The following TMPRSS15 variants were observed in gnomAD, a reference collection of about 807,000 sequenced individuals.
The protein encoded by TMPRSS15 is enteropeptidase.
Under a neutral mutation model 125.3 loss-of-function variants are expected in TMPRSS15, and 128 were observed. The observed-to-expected ratio is 1.02, with a 90% CI of 0.89 to 1.18. The LOEUF (loss-of-function observed/expected upper bound fraction) is 1.18, where lower values mean the gene tolerates loss of function less well. TMPRSS15 is among the 50% of genes most tolerant of loss of function. The pLI, the probability that TMPRSS15 is intolerant of heterozygous loss-of-function variation, is 0.00. For missense variants in TMPRSS15, 1,283 were observed against 1,212.7 expected (o/e 1.06, Z -0.86); for synonymous variants, 446 against 423.2 (o/e 1.05, Z -0.66).
intron 1 of TMPRSS15, among the ~76,000 whole-genome samples, chr21:18,410,225 C>A (rs1392523870): frequency 6.6e-6 from 1 of 150,814 alleles, no homozygotes. Flanking sequence ...ATTTCCTTCT[C>A]TTTTCTGCAA....
chr21:18,444,888 T>C lies in TMPRSS15; in HGVS notation c.10+40911A>G, dbSNP rs549342566. Reference sequence around the variant, plus strand: ...CTTCCAAACCTCTGATAATCACTATTCTACTCTCTCCCTCCATGAGATAAA... The same window carrying C: ...CTTCCAAACCTCTGATAATCACTATCCTACTCTCTCCCTCCATGAGATAAA... On this transcript the variant is annotated intron_variant, in intron 1 of 7. Transcript: ENST00000422787. 2.6e-5 allele frequency among the ~76,000 whole-genome samples: 4 copies of C among 152,254 alleles called. No homozygotes were observed. The East Asian group carries it at 7.7e-4, about 29-fold the overall frequency.
At chr21:18,342,000 G>A (rs962664584) in intron 12 of TMPRSS15, among the ~76,000 whole-genome samples, 3 of 152,144 alleles carry the variant, frequency 2.0e-5, no homozygotes, top group African/African-American at 7.2e-5. Flanking sequence ...ACACACTGGG[G>A]GTGAAGGGGA....
At position 18,343,548 on chromosome 21, in the gene TMPRSS15, C is replaced by G; in HGVS notation, c.1386G>C (p.Trp462Cys). 1.9e-6 allele frequency: 3 copies of G among 1,613,228 alleles called. No homozygotes were observed. Among genetic ancestry groups the G allele is most frequent in the Non-Finnish European group, 2.5e-6 (3 of 1,179,380 alleles). Residue 462 changes from tryptophan to cysteine, a missense_variant, in exon 12 of 25, where the codon TGG becomes TGC. Coordinates refer to ENST00000284885, the MANE Select transcript of TMPRSS15 (RefSeq NM_002772.3). ...CATTTAGGGTTACTTGTCCATAATT[C>G]CAATTGTCTCCATAATTTCCTTCCT... ...FQKEGNYGDN[W>C]NYGQVTLNET...
intron 19 of TMPRSS15, among the ~76,000 whole-genome samples, chr21:18,297,197 C>G (rs2074917220): frequency 6.6e-6 from 1 of 152,114 alleles, no homozygotes; most frequent in African/African-American, 2.4e-5. Context: ...TTAGTAAAGG[C>G]TATAAAAGTA....
chr21:18,286,245 CA>C (rs780376892), intron 21 of TMPRSS15, among the ~76,000 whole-genome samples: 3 of 152,158 alleles, frequency 2.0e-5, no homozygotes, highest in Non-Finnish European at 4.4e-5. Context: ...TAGAATATCC[CA>C]GGGGTCTGCC....
At chr21:18,475,325 C>T (rs536590448) in intron 1 of TMPRSS15, among the ~76,000 whole-genome samples, 1 of 152,140 alleles carries the variant, frequency 6.6e-6, no homozygotes, top group Non-Finnish European at 1.5e-5. Flanking sequence ...AAAAACAAGT[C>T]AGGCAACAGT....
chr21:18,408,002 A>T (rs972790432), upstream of TMPRSS15, among the ~76,000 whole-genome samples: 4 of 152,150 alleles, frequency 2.6e-5, no homozygotes, highest in African/African-American at 9.7e-5. Context: ...AGACTTGAGG[A>T]TAGTTGGGTA....
At chr21:18,424,973 A>C (rs909093331) in intron 1 of TMPRSS15, among the ~76,000 whole-genome samples, 15 of 149,812 alleles carry the variant, frequency 1.0e-4, no homozygotes, top group Admixed American at 4.7e-4. Flanking sequence ...ATGAATACAT[A>C]TGATATAATA....
intron 1 of TMPRSS15, among the ~76,000 whole-genome samples, chr21:18,459,946 A>G (rs1478806868): frequency 3.3e-5 from 5 of 152,204 alleles, no homozygotes; most frequent in Non-Finnish European, 7.4e-5. Flanking sequence ...GCTATAATAC[A>G]TGAATTTTTA....
chr21:18,287,129 C>A (rs765671665), intron 21 of TMPRSS15, among the ~76,000 whole-genome samples: 1 of 152,176 alleles, frequency 6.6e-6, no homozygotes, highest in Non-Finnish European at 1.5e-5. Context: ...TCAGCCTTAA[C>A]ATGTCATATA....
intron 1 of TMPRSS15, among the ~76,000 whole-genome samples, chr21:18,434,833 A>G (rs866979944): frequency 2.4e-5 from 2 of 84,774 alleles, no homozygotes; most frequent in Non-Finnish European, 5.3e-5. Flanking sequence ...AAAACTCATA[A>G]ATTAAACATC....
intron 1 of TMPRSS15, among the ~76,000 whole-genome samples, chr21:18,465,644 G>C (rs2122955679): frequency 2.0e-5 from 3 of 152,152 alleles, no homozygotes; most frequent in Admixed American, 1.3e-4. Flanking sequence ...CAAATCATGA[G>C]TGAACTCCCA....
chr21:18,464,684 C>T (rs1247250551), intron 1 of TMPRSS15, among the ~76,000 whole-genome samples: 2 of 152,132 alleles, frequency 1.3e-5, no homozygotes, highest in African/African-American at 4.8e-5. Flanking sequence ...TTCCTGGACA[C>T]ATACACCCCT....
chr21:18,303,321 A>T (rs370554534), intron 18 of TMPRSS15, among the ~76,000 whole-genome samples: 1 of 152,172 alleles, frequency 6.6e-6, no homozygotes, highest in Non-Finnish European at 1.5e-5. Flanking sequence ...CATGGGGGAA[A>T]AAAGAAAGAA....
intron 15 of TMPRSS15, among the ~76,000 whole-genome samples, chr21:18,327,794 C>A (rs2075307431): frequency 6.6e-6 from 1 of 152,050 alleles, no homozygotes; most frequent in African/African-American, 2.4e-5. Flanking sequence ...CAAAATTGAT[C>A]ATTTGAGCAT....
intron 1 of TMPRSS15, among the ~76,000 whole-genome samples, chr21:18,478,465 C>G (rs1259261019): frequency 6.6e-6 from 1 of 151,964 alleles, no homozygotes; most frequent in Non-Finnish European, 1.5e-5. Flanking sequence ...TCCAGTTTCA[C>G]CCTTTATTAC....
intron 1 of TMPRSS15, among the ~76,000 whole-genome samples, chr21:18,415,875 G>T (rs550116699): frequency 6.6e-6 from 1 of 152,148 alleles, no homozygotes; most frequent in Non-Finnish European, 1.5e-5. Flanking sequence ...GTTTGTAGAT[G>T]ACATCATCTT....
intron 23 of TMPRSS15, among the ~76,000 whole-genome samples, chr21:18,277,339 C>T (rs1201585322): frequency 6.6e-6 from 1 of 152,028 alleles, no homozygotes; most frequent in Non-Finnish European, 1.5e-5. Flanking sequence ...AAAAAACTTC[C>T]TATGAAATAA....
At chr21:18,453,569 C>G (rs145301625) in intron 1 of TMPRSS15, among the ~76,000 whole-genome samples, 2 of 152,058 alleles carry the variant, frequency 1.3e-5, no homozygotes, top group Admixed American at 6.6e-5. Flanking sequence ...GATTTAGAGA[C>G]GAGCTTATTT....
Sources: gnomAD v4.1 joint callset for allele counts (sites outside exome capture counted in the v4.1 genomes callset) on GRCh38, gnomAD v4.1.1 for gene constraint, MANE v1.5 for transcripts, NCBI Gene and HGNC (gene_info 2026-07-23, HGNC 2026-07-21) for gene names.